Variants in RBM38 observed in about 807,000 individuals in gnomAD.
The protein encoded by RBM38 is RNA binding motif protein 38, also known as RNA-binding protein 38.
In RBM38, 11 loss-of-function variants were observed where a neutral mutation model predicts 23.5. The ratio of observed to expected loss-of-function variants is 0.47; its 90% CI spans 0.29 to 0.77. The LOEUF (loss-of-function observed/expected upper bound fraction) is 0.77. Among genes scored for constraint, RBM38 ranks in the 30% least tolerant of loss-of-function variants. RBM38 has a pLI of 0.08. For synonymous variants in RBM38, 165 were observed against 166.1 expected (o/e 0.99, Z 0.05); for missense variants, 330 against 351.9 (o/e 0.94, Z 0.50).
At chr20:57,392,499 T>C (rs1056301088) in intron 1 of RBM38, 155 bp from the exon 2 acceptor site, 1 of 1,531,524 alleles carries the variant, frequency 6.5e-7, no homozygotes, top group African/African-American at 1.4e-5. Context: ...CCAGGTAGGG[T>C]TCAGAGGAGC....
chr20:57,392,966 A>C (rs776540877), intron 2 of RBM38, 189 bp downstream of exon 2: 6 of 829,172 alleles, frequency 7.2e-6, no homozygotes, highest in Non-Finnish European at 1.1e-5. Context: ...CGTGTGGCCC[A>C]AAGAAGGGGG....
At chr20:57,400,951 G>A (rs779402296) in intron 3 of RBM38, among the ~76,000 whole-genome samples, 23 of 152,212 alleles carry the variant, frequency 1.5e-4, no homozygotes, top group Non-Finnish European at 2.6e-4. Context: ...ACAGAGGGCC[G>A]ATTCCAAAGT....
In RBM38 at chr20:57,391,611, G is replaced by A. The variant is rs1296144428; in HGVS notation, c.30G>A (p.Pro10=). ...TGCTGCAGCCCGCGCCGTGCGCCCC[G>A]AGCGCGGGCTTCCCGCGGCCCCTGG... MLLQPAPCA[P]SAGFPRPLAA... The change falls in exon 1 of 4, where the codon CCG becomes CCA. Residue 10 remains proline, a synonymous_variant. Transcript: ENST00000356208. 4 of 1,414,488 alleles carry A rather than the reference G, an allele frequency of 2.8e-6. No homozygotes were observed. Among genetic ancestry groups the A allele is most frequent in the South Asian group, 2.8e-5 (2 of 72,614 alleles). 87.6% of individuals were successfully genotyped at this position (1,414,488 alleles called of 1,614,324 possible). A position where few individuals can be genotyped will look rare whatever the true frequency, so the allele number is the denominator to read the frequency against.
At chr20:57,398,449 T>G (rs2067296426) in intron 3 of RBM38, among the ~76,000 whole-genome samples, 1 of 151,862 alleles carries the variant, frequency 6.6e-6, no homozygotes, top group South Asian at 2.1e-4. Context: ...GAAGCTGAGG[T>G]CAGAGCCAGG....
intron 3 of RBM38, among the ~76,000 whole-genome samples, chr20:57,398,503 C>T (rs934146414): frequency 2.0e-4 from 31 of 152,148 alleles, no homozygotes; most frequent in Admixed American, 3.3e-4. Context: ...AACACTGTGG[C>T]GTCACGTTTT....
At chr20:57,398,021 A>G (rs764290938) in intron 3 of RBM38, among the ~76,000 whole-genome samples, 1 of 152,156 alleles carries the variant, frequency 6.6e-6, no homozygotes, top group Non-Finnish European at 1.5e-5. Flanking sequence ...TGGTGTGTGT[A>G]GAAGATGATG....
At chr20:57,404,220 G>A (rs575257628) in intron 3 of RBM38, among the ~76,000 whole-genome samples, 19 of 152,354 alleles carry the variant, frequency 1.2e-4, no homozygotes, top group Admixed American at 2.6e-4. Context: ...AGGCACTTGT[G>A]TTCTGTGTCC....
rs1213336845 is a variant in RBM38 at position 57,407,897 on chromosome 20, G to T, written c.*51G>T. 1.3e-6 allele frequency: 2 copies of T among 1,503,898 alleles called. No homozygotes were observed. Among genetic ancestry groups the T allele is most frequent in the South Asian group, 1.3e-5 (1 of 79,370 alleles). 93.2% of individuals were successfully genotyped at this position (1,503,898 alleles called of 1,614,324 possible). A position where few individuals can be genotyped will look rare whatever the true frequency, so the allele number is the denominator to read the frequency against. On this transcript the variant is annotated 3_prime_UTR_variant, in exon 4 of 4. Transcript: ENST00000356208. This position sits in a 1 kb window ranked among gnomAD's most constrained non-coding sequence, Gnocchi z 4.0. ...GGCATTGTCACCTTCACAGCAGACA[G>T]AGCTGCCAGGCCATGATGGGCTGGC... is the stretch of plus-strand genomic sequence containing the variant.
intron 1 of RBM38, chr20:57,392,450 G>A: frequency 6.5e-7 from 1 of 1,532,270 alleles, no homozygotes; most frequent in Non-Finnish European, 8.7e-7. Flanking sequence ...ACTTTGACGG[G>A]AGGAGCTGGA....
intron 3 of RBM38, among the ~76,000 whole-genome samples, chr20:57,402,191 C>T (rs1411681617): frequency 6.6e-6 from 1 of 152,064 alleles, no homozygotes; most frequent in Non-Finnish European, 1.5e-5. Context: ...ATGATCCGCC[C>T]GCCTCGGCCT....
At chr20:57,397,356 T>A (rs1307641664) in intron 3 of RBM38, among the ~76,000 whole-genome samples, 1 of 152,214 alleles carries the variant, frequency 6.6e-6, no homozygotes, top group Non-Finnish European at 1.5e-5. Flanking sequence ...GCTGCGAGAC[T>A]CTTGTCCCTC....
chr20:57,392,536 G>GC (rs1215517169), intron 1 of RBM38, 118 bp from the exon 2 acceptor site: 19 of 1,517,636 alleles, frequency 1.3e-5, no homozygotes, highest in Non-Finnish European at 1.7e-5. Flanking sequence ...TGGGTCACAG[G>GC]CACCCTCAGA....
At chr20:57,400,611 T>TG (rs1437460855) in intron 3 of RBM38, among the ~76,000 whole-genome samples, 1 of 152,162 alleles carries the variant, frequency 6.6e-6, no homozygotes, top group Non-Finnish European at 1.5e-5. Flanking sequence ...TGTCCAGCGT[T>TG]GCAGTGGGGC....
chr20:57,403,019 A>G (rs2067344828), intron 3 of RBM38, among the ~76,000 whole-genome samples: 1 of 152,080 alleles, frequency 6.6e-6, no homozygotes, highest in East Asian at 1.9e-4. Context: ...TTGTGGGGGC[A>G]CCCTGAGCAT....
chr20:57,404,471 G>T (rs1312213878), intron 3 of RBM38, among the ~76,000 whole-genome samples: 1 of 151,822 alleles, frequency 6.6e-6, no homozygotes, highest in African/African-American at 2.4e-5. Context: ...GCTGGGTCGG[G>T]GGGGCACTGA....
At chr20:57,397,843 C>T (rs1347422155) in intron 3 of RBM38, among the ~76,000 whole-genome samples, 4 of 152,192 alleles carry the variant, frequency 2.6e-5, no homozygotes, top group African/African-American at 7.2e-5. Flanking sequence ...TTTGTGCACT[C>T]GTGGGCCCAC....
intron 3 of RBM38, among the ~76,000 whole-genome samples, chr20:57,405,018 T>C (rs1407369807): frequency 1.3e-5 from 2 of 152,184 alleles, no homozygotes; most frequent in Non-Finnish European, 2.9e-5. Context: ...TCATCCACTC[T>C]TCAGACACTC....
chr20:57,399,951 G>C lies in RBM38; in HGVS notation c.416+6618G>C, dbSNP rs928596540. Reference sequence around the variant, plus strand: ...AGAGGCGACTTTATGTTCAGAAAATGAGTCCTCCTGGGCCGTGGTCAGTTC... The same window carrying C: ...AGAGGCGACTTTATGTTCAGAAAATCAGTCCTCCTGGGCCGTGGTCAGTTC... On this transcript the variant is annotated intron_variant, in intron 3 of 3. Transcript: ENST00000356208. 6.6e-6 allele frequency: 3 copies of C among 456,364 alleles called. No individual in the cohort carries two copies. The Admixed American group carries it at 7.0e-5, about 11-fold the overall frequency. The allele number at this position is 456,364 out of a possible 1,614,324, so 28.3% of individuals were successfully genotyped here. A position where few individuals can be genotyped will look rare whatever the true frequency, so the allele number is the denominator to read the frequency against.
At chr20:57,402,475 C>A (rs759177481) in intron 3 of RBM38, among the ~76,000 whole-genome samples, 2 of 152,202 alleles carry the variant, frequency 1.3e-5, no homozygotes, top group Non-Finnish European at 2.9e-5. Context: ...GGGCTCTTCA[C>A]TGAGGTGGAG....
Sources: gnomAD v4.1 joint callset for allele counts (sites outside exome capture counted in the v4.1 genomes callset) on GRCh38, gnomAD v4.1.1 for gene constraint, Gnocchi (gnomAD v3.1) non-coding constraint, MANE v1.5 for transcripts, NCBI Gene and HGNC (gene_info 2026-07-23, HGNC 2026-07-21) for gene names.